The following EPHA6 variants were observed in gnomAD, a reference collection of about 807,000 sequenced individuals.
The protein encoded by EPHA6 is ephrin type-A receptor 6.
EPHA6 carries 50 observed loss-of-function variants against 112.0 expected under a neutral mutation model. That is an observed-to-expected ratio of 0.45 (90% confidence interval 0.36 to 0.56). The LOEUF is 0.56. Ranked by LOEUF, EPHA6 falls within the 20% of genes least tolerant of loss-of-function variation. The pLI, the probability that EPHA6 is intolerant of heterozygous loss-of-function variation, is 0.00. For synonymous variants in EPHA6, 529 were observed against 490.7 expected (o/e 1.08, Z -1.03); for missense variants, 1,280 against 1,417.4 (o/e 0.90, Z 1.56).
At chr3:97,212,953 T>C (rs1272788593) in intron 3 of EPHA6, among the ~76,000 whole-genome samples, 2 of 152,206 alleles carry the variant, frequency 1.3e-5, no homozygotes, top group African/African-American at 4.8e-5. Context: ...TCTATGTTGA[T>C]GTCCTCTTCT....
At chr3:97,479,477 A>G (rs1345566909) in intron 9 of EPHA6, 113 bp downstream of exon 9, 4 of 607,402 alleles carry the variant, frequency 6.6e-6, no homozygotes, top group African/African-American at 3.8e-5. Context: ...ATCACTTCCA[A>G]CCTTTCAGCA....
intron 2 of EPHA6, among the ~76,000 whole-genome samples, chr3:96,914,207 TA>T (rs2039376098): frequency 6.6e-6 from 1 of 152,180 alleles, no homozygotes; most frequent in African/African-American, 2.4e-5. Context: ...TTAACAATGA[TA>T]AAACACTATC....
At chr3:96,990,642 G>A (rs1306471983) in intron 3 of EPHA6, among the ~76,000 whole-genome samples, 3 of 152,076 alleles carry the variant, frequency 2.0e-5, no homozygotes, top group Non-Finnish European at 2.9e-5. Flanking sequence ...CAAAAGAAAT[G>A]TCAGAGTGGA....
chr3:97,109,522 A>C (rs1207348971), intron 3 of EPHA6, among the ~76,000 whole-genome samples: 1 of 152,188 alleles, frequency 6.6e-6, no homozygotes, highest in Non-Finnish European at 1.5e-5. Context: ...ACTTGAATAA[A>C]GCAACTGTCA....
At chr3:97,111,475 A>T (rs1444569277) in intron 3 of EPHA6, among the ~76,000 whole-genome samples, 2 of 152,110 alleles carry the variant, frequency 1.3e-5, no homozygotes, top group Admixed American at 1.3e-4. Context: ...TATCTAATGC[A>T]TATTTTCATC....
chr3:97,657,802 G>T (rs893605149), intron 14 of EPHA6, among the ~76,000 whole-genome samples: 1 of 151,668 alleles, frequency 6.6e-6, no homozygotes, highest in African/African-American at 2.4e-5. Flanking sequence ...TATGTCTGAG[G>T]GAAGAATAGC....
chr3:96,952,965 A>T (rs1379525711), intron 2 of EPHA6, among the ~76,000 whole-genome samples: 1 of 152,148 alleles, frequency 6.6e-6, no homozygotes, highest in African/African-American at 2.4e-5. Flanking sequence ...CCCCCGTGAC[A>T]CGAGTTTACC....
chr3:96,983,859 T>C (rs938155294), intron 2 of EPHA6, among the ~76,000 whole-genome samples: 3 of 152,252 alleles, frequency 2.0e-5, no homozygotes, highest in Non-Finnish European at 4.4e-5. Context: ...TACTGAAGCT[T>C]GTGAATTCAT....
intron 11 of EPHA6, among the ~76,000 whole-genome samples, chr3:97,568,145 G>C (rs1311227370): frequency 6.6e-6 from 1 of 152,120 alleles, no homozygotes; most frequent in African/African-American, 2.4e-5. Context: ...CTAGGCCCTG[G>C]AGGATAAGTC....
At chr3:97,181,008 A>G (rs2076973581) in intron 3 of EPHA6, among the ~76,000 whole-genome samples, 3 of 152,032 alleles carry the variant, frequency 2.0e-5, no homozygotes, top group South Asian at 2.1e-4. Context: ...AGAGTGATGT[A>G]GCCCTCTGTG....
chr3:97,648,568 A>G, intron 14 of EPHA6: 1 of 1,215,058 alleles, frequency 8.2e-7, no homozygotes, highest in Non-Finnish European at 1.0e-6. Context: ...AAATATTTTA[A>G]CACAAGTGAG....
chr3:97,305,985 A>C (rs2108737178), intron 5 of EPHA6, among the ~76,000 whole-genome samples: 1 of 152,098 alleles, frequency 6.6e-6, no homozygotes, highest in South Asian at 2.1e-4. Flanking sequence ...TTAAAGGCAA[A>C]GATAAACTAA....
chr3:97,345,870 G>A (rs1345000118), intron 5 of EPHA6, among the ~76,000 whole-genome samples: 4 of 151,972 alleles, frequency 2.6e-5, no homozygotes, highest in African/African-American at 9.7e-5. Flanking sequence ...AATGAGATTA[G>A]TATGCTTCTC....
In EPHA6 at chr3:97,202,429, A is replaced by G. The variant is rs536480080; in HGVS notation, c.1115-23835A>G. Among the ~76,000 whole-genome samples, 12 of 151,754 alleles carry G rather than the reference A, an allele frequency of 7.9e-5. No homozygotes were observed. In the South Asian group the frequency reaches 2.3e-3, roughly 29 times the overall value. ...ACAGGCACCATCTTGGCTCACTGCAACCCCTACTTCCTGGACTCAAGTCTC... is the reference window on the plus strand; with the variant it reads ...ACAGGCACCATCTTGGCTCACTGCAGCCCCTACTTCCTGGACTCAAGTCTC... On this transcript the variant is annotated intron_variant, in intron 3 of 17. Coordinates refer to ENST00000389672, the MANE Select transcript of EPHA6 (RefSeq NM_001080448.3).
chr3:96,830,645 T>A (rs1011886202), intron 1 of EPHA6, among the ~76,000 whole-genome samples: 10 of 152,034 alleles, frequency 6.6e-5, no homozygotes, highest in African/African-American at 9.7e-5. Context: ...AAAATGTAAA[T>A]ATATTACATT....
chr3:97,247,883 T>TAGAC (rs567775140), intron 5 of EPHA6, among the ~76,000 whole-genome samples: 53 of 151,878 alleles, frequency 3.5e-4, no homozygotes, highest in Non-Finnish European at 6.6e-4. Flanking sequence ...CCAAAAAATA[T>TAGAC]AGACAGTTAT....
chr3:96,829,949 G>GCGCGCGCGCGCGCGCGCACA (rs373416797), intron 1 of EPHA6, among the ~76,000 whole-genome samples: 4 of 136,034 alleles, frequency 2.9e-5, no homozygotes, highest in African/African-American at 1.2e-4. Flanking sequence ...GCGCGCGCGC[G>GCGCGCGCGCGCGCGCGCACA]CACACACACA....
At chr3:96,961,997 T>A (rs2041961781) in intron 2 of EPHA6, among the ~76,000 whole-genome samples, 2 of 152,202 alleles carry the variant, frequency 1.3e-5, no homozygotes. Flanking sequence ...AGCCTAATCC[T>A]ACCAGGACAT....
intron 11 of EPHA6, among the ~76,000 whole-genome samples, chr3:97,572,299 C>T (rs907870043): frequency 1.3e-5 from 2 of 151,794 alleles, no homozygotes; most frequent in Non-Finnish European, 2.9e-5. Flanking sequence ...TACAGGCGCC[C>T]GCCACCACAC....
Sources: allele counts gnomAD v4.1 joint callset (sites outside exome capture counted in the v4.1 genomes callset), GRCh38; gene constraint gnomAD v4.1.1; transcripts MANE v1.5; gene names NCBI Gene and HGNC (gene_info 2026-07-23, HGNC 2026-07-21).